BNC2: variants seen among roughly 807,000 people sequenced by gnomAD.
BNC2 encodes the protein basonuclin zinc finger protein 2, also known as zinc finger protein basonuclin-2.
A neutral mutation model predicts 76.3 loss-of-function variants in BNC2; 20 were observed. That is an observed-to-expected ratio of 0.26 (90% CI 0.18 to 0.38). The LOEUF (loss-of-function observed/expected upper bound fraction) is 0.38. Ranked by LOEUF, BNC2 falls within the 10% of genes least tolerant of loss-of-function variation. The probability of loss-of-function intolerance (pLI) is 1.00; values close to 1 mark genes in which losing one functional copy is unlikely to be tolerated. For synonymous variants in BNC2, 582 were observed against 514.8 expected (o/e 1.13, Z -1.77); for missense variants, 1,382 against 1,399.8 (o/e 0.99, Z 0.20).
chr9:16,826,250 G>C (rs1343968915), intron 1 of BNC2, among the ~76,000 whole-genome samples: 2 of 124,580 alleles, frequency 1.6e-5, no homozygotes, highest in African/African-American at 6.4e-5. Context: ...CCATAACCCA[G>C]AGACTTGCTG....
At chr9:16,656,815 C>T (rs1821944114) in intron 3 of BNC2, among the ~76,000 whole-genome samples, 1 of 152,156 alleles carries the variant, frequency 6.6e-6, no homozygotes, top group Non-Finnish European at 1.5e-5. Context: ...AATTTATACC[C>T]ATTCAAAACA....
At chr9:16,849,507 T>C (rs892092474) in intron 1 of BNC2, among the ~76,000 whole-genome samples, 2 of 151,824 alleles carry the variant, frequency 1.3e-5, no homozygotes, top group Non-Finnish European at 2.9e-5. Flanking sequence ...TACAGGCGCA[T>C]GCCACCACGC....
chr9:16,492,741 A>G lies in BNC2; in HGVS notation c.670-55217T>C, dbSNP rs552360289. Among the ~76,000 whole-genome samples the G allele has an allele frequency of 3.9e-4, 54 of 137,430 alleles. 2 individuals are homozygous for G. The South Asian group carries it at 0.012, about 30-fold the overall frequency. The allele number at this position is 137,430 out of a possible 152,430, so 90.2% of individuals were successfully genotyped here. A position where few individuals can be genotyped will look rare whatever the true frequency, so the allele number is the denominator to read the frequency against. On this transcript the variant is annotated intron_variant, in intron 5 of 6. Coordinates refer to ENST00000380672, the MANE Select transcript of BNC2 (RefSeq NM_017637.6). ...TGCCCATTTTTTTTTTTTTTTCTGT[A>G]TAGCTATCCATCAAGTCTACTCAAT...
chr9:16,844,466 T>C (rs934815008), intron 1 of BNC2, among the ~76,000 whole-genome samples: 4 of 150,266 alleles, frequency 2.7e-5, no homozygotes, highest in African/African-American at 7.3e-5. Context: ...GGAGCAAGAG[T>C]AGTATTTTTA....
intron 1 of BNC2, among the ~76,000 whole-genome samples, chr9:16,781,708 C>T (rs2135556623): frequency 6.6e-6 from 1 of 152,054 alleles, no homozygotes; most frequent in African/African-American, 2.4e-5. Context: ...TCTACTTTTC[C>T]AATACAAGTA....
rs150152386 is a variant in BNC2 at position 16,671,579 on chromosome 9, T to C, written c.330+56218A>G. ...TCCCAGAGTTTCTCATCAGCTCTGG[T>C]CCTATGCATCACTTCCAAAATAGAA... On this transcript the variant is annotated intron_variant, in intron 3 of 6. Coordinates refer to ENST00000380672, the MANE Select transcript of BNC2 (RefSeq NM_017637.6). 4.5e-3 allele frequency among the ~76,000 whole-genome samples: 691 copies of C among 152,256 alleles called. 2 individuals carry two copies. Among genetic ancestry groups the C allele is most frequent in the African/African-American group, 0.015 (610 of 41,540 alleles).
intron 3 of BNC2, among the ~76,000 whole-genome samples, chr9:16,624,702 A>G (rs1820945971): frequency 6.6e-6 from 1 of 152,246 alleles, no homozygotes; most frequent in Admixed American, 6.5e-5. Flanking sequence ...AAGCATATTG[A>G]AAACTTTAAA....
At chr9:16,639,145 A>G (rs1821413603) in intron 3 of BNC2, among the ~76,000 whole-genome samples, 1 of 152,174 alleles carries the variant, frequency 6.6e-6, no homozygotes, top group Non-Finnish European at 1.5e-5. Context: ...AAATTACTGT[A>G]CTTATTTTTT....
rs992694703 is a variant in BNC2 at position 16,674,688 on chromosome 9, C to T, written c.330+53109G>A. On this transcript the variant is annotated intron_variant, in intron 3 of 6. Coordinates refer to ENST00000380672, the MANE Select transcript of BNC2 (RefSeq NM_017637.6). ...TTGATTATAAACTCCTAGAGGGCAA[C>T]GACCCTATCTATTCAGCTCACTTCT... 2.6e-4 allele frequency among the ~76,000 whole-genome samples: 40 copies of T among 152,214 alleles called. 1 individual carries two copies. The highest frequency in any genetic ancestry group is 1.5e-3 in the South Asian group (7 of 4,818).
At chr9:16,657,398 A>C (rs1029015) in intron 3 of BNC2, among the ~76,000 whole-genome samples, 70,325 of 152,098 alleles carry the variant, frequency 0.46, 18,414 homozygotes, top group East Asian at 0.69. Flanking sequence ...AGTAAAAAAA[A>C]CAGAAACGCT....
intron 5 of BNC2, among the ~76,000 whole-genome samples, chr9:16,462,678 C>A (rs982527076): frequency 3.3e-5 from 5 of 152,114 alleles, no homozygotes; most frequent in African/African-American, 1.2e-4. Context: ...ATGGAAATGG[C>A]GGGGGAGACA....
At chr9:16,664,492 T>C (rs961060422) in intron 3 of BNC2, among the ~76,000 whole-genome samples, 1 of 152,124 alleles carries the variant, frequency 6.6e-6, no homozygotes. Flanking sequence ...TCTCTCCTTT[T>C]AGCTGAGACT....
At chr9:16,487,429 C>T (rs540404879) in intron 5 of BNC2, among the ~76,000 whole-genome samples, 46 of 152,278 alleles carry the variant, frequency 3.0e-4, no homozygotes, top group South Asian at 1.4e-3. Flanking sequence ...CTAAAAGCCA[C>T]GGAGAGCCAT....
chr9:16,662,435 T>A (rs1431404584), intron 3 of BNC2, among the ~76,000 whole-genome samples: 1 of 152,130 alleles, frequency 6.6e-6, no homozygotes, highest in African/African-American at 2.4e-5. Context: ...TTTTAACTCA[T>A]CACAAGAGAA....
At chr9:16,655,294 T>C (rs1258202526) in intron 3 of BNC2, among the ~76,000 whole-genome samples, 1 of 152,124 alleles carries the variant, frequency 6.6e-6, no homozygotes, top group Non-Finnish European at 1.5e-5. Flanking sequence ...AAAATAAAGA[T>C]GAATAAAAGC....
At position 16,417,723 on chromosome 9, in the gene BNC2, C is replaced by T. The variant is rs560219628; in HGVS notation, c.*1266G>A. ...TCTTTTACTGTATTCATCTTTGTTCCGTAGCGGGTAATTTGGGCTTTTGTA... is the reference window on the plus strand; with the variant it reads ...TCTTTTACTGTATTCATCTTTGTTCTGTAGCGGGTAATTTGGGCTTTTGTA... On this transcript the variant is annotated 3_prime_UTR_variant, in exon 7 of 7. Transcript: ENST00000380672. 1.3e-5 allele frequency: 2 copies of T among 152,708 alleles called. No homozygotes were observed. Among genetic ancestry groups the T allele is most frequent in the South Asian group, 2.1e-4 (1 of 4,828 alleles). 9.5% of individuals were successfully genotyped at this position (152,708 alleles called of 1,614,324 possible). A position where few individuals can be genotyped will look rare whatever the true frequency, so the allele number is the denominator to read the frequency against.
At chr9:16,575,134 C>T (rs770160951) in intron 4 of BNC2, 5 of 350,988 alleles carry the variant, frequency 1.4e-5, no homozygotes, top group Non-Finnish European at 1.6e-5. Flanking sequence ...TCACATTTCA[C>T]AGATGACAGA....
At chr9:16,450,870 G>A (rs114391726) in intron 5 of BNC2, among the ~76,000 whole-genome samples, 2,232 of 152,332 alleles carry the variant, frequency 0.015, 40 homozygotes, top group African/African-American at 0.043. Context: ...CTTCAACTGA[G>A]CAGGTGCTGC....
chr9:16,703,447 A>T (rs1297115717), intron 3 of BNC2, among the ~76,000 whole-genome samples: 1 of 152,136 alleles, frequency 6.6e-6, no homozygotes, highest in Non-Finnish European at 1.5e-5. Context: ...TACTAGACCA[A>T]ATAGAACAAA....
Sources: gnomAD v4.1 joint callset for allele counts (sites outside exome capture counted in the v4.1 genomes callset) on GRCh38, gnomAD v4.1.1 for gene constraint, MANE v1.5 for transcripts, NCBI Gene and HGNC (gene_info 2026-07-23, HGNC 2026-07-21) for gene names.